Variants in SEMA3D observed in about 807,000 individuals in gnomAD.
SEMA3D encodes the protein semaphorin 3D, also known as semaphorin-3D.
SEMA3D carries 84 observed loss-of-function variants against 100.1 expected under a neutral mutation model. The observed-to-expected ratio is 0.84, with a 90% CI of 0.70 to 1.01. The LOEUF (loss-of-function observed/expected upper bound fraction) is 1.01. Among genes scored for constraint, SEMA3D ranks in the 50% least tolerant of loss-of-function variants. SEMA3D has a pLI of 0.00. For synonymous variants in SEMA3D, 312 were observed against 320.7 expected, an observed-to-expected ratio of 0.97 and a Z score of 0.29; for missense variants, 875 against 934.1, an observed-to-expected ratio of 0.94 and a Z score of 0.82.
intron 1 of SEMA3D, among the ~76,000 whole-genome samples, chr7:85,182,264 A>G (rs1791430534): frequency 6.6e-6 from 1 of 152,130 alleles, no homozygotes; most frequent in Non-Finnish European, 1.5e-5. Flanking sequence ...CTATTCCTGT[A>G]TGTTATGCAT....
At chr7:85,074,140 AC>A (rs1399994378) in intron 5 of SEMA3D, among the ~76,000 whole-genome samples, 168 of 152,260 alleles carry the variant, frequency 1.1e-3, no homozygotes, top group African/African-American at 3.5e-3. Context: ...GCTGGAGCAG[AC>A]TTTTATTCTA....
At chr7:85,190,215 T>C (rs1791663734), upstream of SEMA3D, among the ~76,000 whole-genome samples, 1 of 152,154 alleles carries the variant, frequency 6.6e-6, no homozygotes, top group Non-Finnish European at 1.5e-5. Context: ...AGAAAATTAT[T>C]GATGAAGGAG....
At chr7:85,010,689 A>C (rs566088245) in intron 17 of SEMA3D, among the ~76,000 whole-genome samples, 49 of 152,020 alleles carry the variant, frequency 3.2e-4, no homozygotes, top group African/African-American at 1.1e-3. Flanking sequence ...TGAACAAATA[A>C]GTCTTGAAGA....
At chr7:85,149,748 A>G (rs889202210) in intron 2 of SEMA3D, among the ~76,000 whole-genome samples, 1 of 152,168 alleles carries the variant, frequency 6.6e-6, no homozygotes, top group Non-Finnish European at 1.5e-5. Context: ...TTCAGGGGCT[A>G]CGATTAACAT....
intron 16 of SEMA3D, among the ~76,000 whole-genome samples, chr7:85,013,154 T>C (rs1238085263): frequency 6.6e-6 from 1 of 151,742 alleles, no homozygotes; most frequent in Non-Finnish European, 1.5e-5. Context: ...AACCTAGGTT[T>C]TATATAATTA....
At chr7:85,085,685 G>A (rs552007226) in intron 4 of SEMA3D, among the ~76,000 whole-genome samples, 30 of 152,194 alleles carry the variant, frequency 2.0e-4, no homozygotes, top group Admixed American at 1.1e-3. Flanking sequence ...ACTGTGGAGC[G>A]CTTACTGGCA....
rs977681289 is a variant in SEMA3D at position 85,015,287 on chromosome 7, A to G, written c.1546-71T>C. ...AGTCTTAAGAATTTCCTTTTCTTGA[A>G]TATCACATAATACATATAAATCTGT... On this transcript the variant is annotated intron_variant, in intron 15 of 18. Transcript: ENST00000284136. 63 of 1,385,600 alleles carry G rather than the reference A, an allele frequency of 4.5e-5. No individual in the cohort carries two copies. In the African/African-American group the frequency reaches 9.0e-4, roughly 20 times the overall value. 85.8% of individuals were successfully genotyped at this position (1,385,600 alleles called of 1,614,324 possible).
intron 9 of SEMA3D, among the ~76,000 whole-genome samples, chr7:85,047,981 T>C (rs1462327339): frequency 6.6e-6 from 1 of 151,836 alleles, no homozygotes; most frequent in Non-Finnish European, 1.5e-5. Flanking sequence ...CTTATGCTTA[T>C]AGATTTTAGT....
intron 5 of SEMA3D, 136 bp downstream of exon 5, chr7:85,081,381 A>G: frequency 1.8e-6 from 1 of 547,620 alleles, no homozygotes; most frequent in Non-Finnish European, 3.3e-6. Context: ...TTCCACATTA[A>G]TATTCACATA....
At chr7:85,206,476 T>C in the SEMA3D span, among the ~76,000 whole-genome samples, 1 of 152,076 alleles carries the variant, frequency 6.6e-6, no homozygotes. Context: ...CCTATTGTAG[T>C]TCTTTTCCTA....
intron 9 of SEMA3D, among the ~76,000 whole-genome samples, chr7:85,051,246 T>C (rs1198052788): frequency 6.6e-6 from 1 of 151,916 alleles, no homozygotes; most frequent in East Asian, 1.9e-4. Flanking sequence ...TAGAGCAAAA[T>C]GTAAGCCTAG....
At chr7:85,020,759 T>C (rs1562785647) in intron 13 of SEMA3D, among the ~76,000 whole-genome samples, 1 of 151,604 alleles carries the variant, frequency 6.6e-6, no homozygotes, top group South Asian at 2.1e-4. Flanking sequence ...GACAGATATA[T>C]ATTCTTTTAA....
At chr7:85,045,181 A>G (rs904193402) in intron 9 of SEMA3D, among the ~76,000 whole-genome samples, 1 of 152,022 alleles carries the variant, frequency 6.6e-6, no homozygotes, top group Non-Finnish European at 1.5e-5. Context: ...ACTAGGGAAA[A>G]GGACAATGGG....
intron 10 of SEMA3D, 42 bp downstream of exon 10, chr7:85,042,129 G>T: frequency 7.8e-7 from 1 of 1,289,866 alleles, no homozygotes; most frequent in Non-Finnish European, 1.1e-6. Flanking sequence ...ACTTAATTAG[G>T]CAGTAAGGCC....
intron 12 of SEMA3D, among the ~76,000 whole-genome samples, chr7:85,026,812 T>C (rs576245722): frequency 6.6e-6 from 1 of 152,130 alleles, no homozygotes; most frequent in South Asian, 2.1e-4. Flanking sequence ...TTTAGAATCA[T>C]GCTAAAGCTC....
intron 1 of SEMA3D, among the ~76,000 whole-genome samples, chr7:85,164,049 A>T (rs1031371598): frequency 6.6e-6 from 1 of 152,140 alleles, no homozygotes; most frequent in South Asian, 2.1e-4. Context: ...CTCTTTTGGA[A>T]AACTTTTCAA....
intron 8 of SEMA3D, among the ~76,000 whole-genome samples, chr7:85,064,705 T>C (rs1791567669): frequency 6.6e-6 from 1 of 152,142 alleles, no homozygotes; most frequent in South Asian, 2.1e-4. Flanking sequence ...TAGAGAATCA[T>C]GATAAAATTT....
At chr7:85,125,426 A>G (rs192568279) in intron 2 of SEMA3D, among the ~76,000 whole-genome samples, 38 of 152,114 alleles carry the variant, frequency 2.5e-4, no homozygotes, top group Non-Finnish European at 4.6e-4. Context: ...TTTGGTTTTC[A>G]CTGAACAGTA....
the SEMA3D span, among the ~76,000 whole-genome samples, chr7:85,204,767 C>T: frequency 2.0e-5 from 3 of 151,990 alleles, no homozygotes; most frequent in African/African-American, 7.3e-5. Context: ...CCTTAGGAAC[C>T]AGCCTTCTTG....
Sources: allele counts gnomAD v4.1 joint callset (sites outside exome capture counted in the v4.1 genomes callset), GRCh38; gene constraint gnomAD v4.1.1; transcripts MANE v1.5; gene names NCBI Gene and HGNC (gene_info 2026-07-23, HGNC 2026-07-21).